Variants in RSPRY1 observed in about 807,000 individuals in gnomAD.
The protein encoded by RSPRY1 is ring finger and SPRY domain containing 1.
A neutral mutation model predicts 73.1 loss-of-function variants in RSPRY1; 23 were observed. The ratio of observed to expected loss-of-function variants is 0.31; its 90% CI spans 0.23 to 0.45. RSPRY1 has a LOEUF of 0.45. Among genes scored for constraint, RSPRY1 ranks in the 20% least tolerant of loss-of-function variants. The pLI, the probability that RSPRY1 is intolerant of heterozygous loss-of-function variation, is 1.00. For missense variants in RSPRY1, 448 were observed against 698.7 expected (o/e 0.64, Z 4.05); for synonymous variants, 226 against 251.4 (o/e 0.90, Z 0.95).
chr16:57,187,843 C>T (rs1325858547), intron 1 of RSPRY1, among the ~76,000 whole-genome samples: 2 of 152,146 alleles, frequency 1.3e-5, no homozygotes, highest in Non-Finnish European at 2.9e-5. Flanking sequence ...AGCTTTTGCT[C>T]TCAGAGTTTT....
rs189579020 is a variant in RSPRY1, at chr16:57,235,852, G to A, written c.1634+624G>A. Reference sequence around the variant, plus strand: ...TTATTTTTGACATAGCTTTAGTCACGTGGCTCCACAGGGGTCCAGAGCCTG... The same window carrying A: ...TTATTTTTGACATAGCTTTAGTCACATGGCTCCACAGGGGTCCAGAGCCTG... On this transcript the variant is annotated intron_variant, in intron 14 of 14. Transcript: ENST00000394420. Among the ~76,000 whole-genome samples, 13 of 152,284 alleles carry A rather than the reference G, an allele frequency of 8.5e-5. No individual in the cohort carries two copies. The East Asian group carries it at 1.9e-3, about 23-fold the overall frequency.
chr16:57,194,860 T>G (rs971649310), intron 1 of RSPRY1, among the ~76,000 whole-genome samples: 1 of 152,170 alleles, frequency 6.6e-6, no homozygotes, highest in Admixed American at 6.5e-5. Context: ...TGGCCAGATG[T>G]CTCCATGGTG....
chr16:57,199,895 G>GTTTTTTTTTTC (rs2074530206), intron 1 of RSPRY1, among the ~76,000 whole-genome samples: 4 of 106,248 alleles, frequency 3.8e-5, no homozygotes, highest in Non-Finnish European at 7.4e-5. Flanking sequence ...TTTTTTGTTT[G>GTTTTTTTTTTC]TTTTTTTTTT....
At chr16:57,233,436 A>G (rs1259387320) in intron 13 of RSPRY1, among the ~76,000 whole-genome samples, 1 of 151,796 alleles carries the variant, frequency 6.6e-6, no homozygotes, top group Non-Finnish European at 1.5e-5. Flanking sequence ...TGGTGGCACA[A>G]TCTCAGGTCA....
chr16:57,232,961 G>A (rs2075248839), intron 13 of RSPRY1, among the ~76,000 whole-genome samples: 1 of 152,198 alleles, frequency 6.6e-6, no homozygotes, highest in South Asian at 2.1e-4. Context: ...CTTGCACCTT[G>A]CTGCCCTTAA....
chr16:57,202,235 G>T (rs2074631927), intron 1 of RSPRY1, among the ~76,000 whole-genome samples: 1 of 151,550 alleles, frequency 6.6e-6, no homozygotes, highest in Non-Finnish European at 1.5e-5. Context: ...GTTACGGGGG[G>T]TGGGTGGCGG....
upstream of RSPRY1, chr16:57,186,261 T>G (rs1477986892): frequency 1.2e-6 from 1 of 801,686 alleles, no homozygotes; most frequent in Admixed American, 6.2e-5. Flanking sequence ...GGAGAGGGCT[T>G]GCCACCGAGG....
At chr16:57,208,226 C>CT in intron 3 of RSPRY1, 116 bp downstream of exon 3, 1 of 585,194 alleles carries the variant, frequency 1.7e-6, no homozygotes, top group Non-Finnish European at 2.9e-6. Context: ...AAAAATACAG[C>CT]ATACATAACA....
rs185997259 is a variant in RSPRY1, at chr16:57,233,192, T to G, written c.1529+1873T>G. Among the ~76,000 whole-genome samples, 20 of 151,634 alleles carry G rather than the reference T, an allele frequency of 1.3e-4. No homozygotes were observed. In the East Asian group the frequency reaches 3.9e-3, roughly 29 times the overall value. Reference sequence around the variant, plus strand: ...AAATTGTTCTGTGTTGTATATACTCTCTGTCTGTAATTCTTCCATTCATTC... The same window carrying G: ...AAATTGTTCTGTGTTGTATATACTCGCTGTCTGTAATTCTTCCATTCATTC... On this transcript the variant is annotated intron_variant, in intron 13 of 14. Coordinates refer to ENST00000394420, the MANE Select transcript of RSPRY1 (RefSeq NM_133368.3).
intron 1 of RSPRY1, among the ~76,000 whole-genome samples, chr16:57,187,846 A>G (rs1430082297): frequency 1.3e-5 from 2 of 152,188 alleles, no homozygotes; most frequent in African/African-American, 2.4e-5. Flanking sequence ...TTTTGCTCTC[A>G]GAGTTTTCAT....
intron 1 of RSPRY1, among the ~76,000 whole-genome samples, chr16:57,196,179 A>G (rs933148557): frequency 1.8e-4 from 28 of 151,940 alleles, no homozygotes; most frequent in Non-Finnish European, 5.9e-5. Flanking sequence ...GCTTCGTAAG[A>G]TGGACCTCAT....
intron 10 of RSPRY1, 46 bp downstream of exon 10, chr16:57,221,461 C>A (rs754498410): frequency 1.3e-6 from 2 of 1,549,054 alleles, no homozygotes; most frequent in South Asian, 2.4e-5. Context: ...TGGCAGTTTG[C>A]TTTTTCCCCC....
At chr16:57,229,690 C>CTTTTTTTTTTTT (rs1162737560) in intron 11 of RSPRY1, among the ~76,000 whole-genome samples, 1 of 42,102 alleles carries the variant, frequency 2.4e-5, no homozygotes, top group African/African-American at 9.8e-5. Flanking sequence ...AAGATAAATG[C>CTTTTTTTTTTTT]TTTTTTTTTT....
At position 57,204,816 on chromosome 16, in the gene RSPRY1, A is replaced by T. The variant is rs1199837122; in HGVS notation, c.158A>T (p.Asp53Val). ...SCICRDDSGTDDSVDTQQQQA... is the reference protein window; with the variant it reads ...SCICRDDSGTVDSVDTQQQQA... ...ATCTGCCGAGATGACAGTGGAACAG[A>T]TGACAGTGTTGACACCCAACAGCAA... Residue 53 changes from aspartate to valine, a missense_variant, in exon 2 of 15, where the codon GAT becomes GTT. Asp to Val is a radical substitution (Grantham distance 152). Coordinates refer to ENST00000394420, the MANE Select transcript of RSPRY1 (RefSeq NM_133368.3). 6.2e-7 allele frequency: 1 copy of T among 1,614,166 alleles called. No homozygotes were observed. The highest frequency in any genetic ancestry group is 1.1e-5 in the South Asian group (1 of 91,078).
chr16:57,193,798 G>A (rs1431540870), intron 1 of RSPRY1, among the ~76,000 whole-genome samples: 6 of 152,126 alleles, frequency 3.9e-5, no homozygotes, highest in Non-Finnish European at 5.9e-5. Context: ...GGGTGCGGTG[G>A]CTCACGCCTG....
At chr16:57,214,009 T>G in intron 6 of RSPRY1, 63 bp downstream of exon 6, 1 of 1,133,378 alleles carries the variant, frequency 8.8e-7, no homozygotes, top group Non-Finnish European at 1.3e-6. Flanking sequence ...TCTAGAACTG[T>G]GCATTTTCTC....
intron 1 of RSPRY1, among the ~76,000 whole-genome samples, chr16:57,197,353 CTG>C (rs2074468213): frequency 6.6e-6 from 1 of 152,210 alleles, no homozygotes; most frequent in Non-Finnish European, 1.5e-5. Context: ...CAAGAGTACT[CTG>C]TGTAGTCATC....
At chr16:57,196,432 G>T (rs1234478370) in intron 1 of RSPRY1, among the ~76,000 whole-genome samples, 2 of 152,128 alleles carry the variant, frequency 1.3e-5, no homozygotes, top group Non-Finnish European at 2.9e-5. Context: ...CAGGTTCTGT[G>T]GTAGGTTCTA....
chr16:57,193,876 G>A (rs2146170077), intron 1 of RSPRY1, among the ~76,000 whole-genome samples: 1 of 152,208 alleles, frequency 6.6e-6, no homozygotes, highest in Non-Finnish European at 1.5e-5. Context: ...GACCAGCCTA[G>A]CCCACATGGT....
Sources: allele counts gnomAD v4.1 joint callset (sites outside exome capture counted in the v4.1 genomes callset), GRCh38; gene constraint gnomAD v4.1.1; transcripts MANE v1.5; gene names NCBI Gene and HGNC (gene_info 2026-07-23, HGNC 2026-07-21).